Variants in TXNDC11 observed in about 807,000 individuals in gnomAD.
The protein encoded by TXNDC11 is thioredoxin domain-containing protein 11.
A neutral mutation model predicts 78.0 loss-of-function variants in TXNDC11; 68 were observed. The observed-to-expected ratio is 0.87, with a 90% CI of 0.72 to 1.07. The LOEUF (loss-of-function observed/expected upper bound fraction) is 1.07, where lower values mean the gene tolerates loss of function less well. Among genes scored for constraint, TXNDC11 ranks in the 50% least tolerant of loss-of-function variants. TXNDC11 has a pLI of 0.00. For synonymous variants in TXNDC11, 571 were observed against 495.2 expected (o/e 1.15, Z -2.03); for missense variants, 1,389 against 1,221.8 (o/e 1.14, Z -2.04).
intron 10 of TXNDC11, among the ~76,000 whole-genome samples, chr16:11,684,638 T>C (rs535617414): frequency 6.6e-6 from 1 of 151,950 alleles, no homozygotes; most frequent in South Asian, 2.1e-4. Flanking sequence ...TGGAAAATTA[T>C]ACCCTCTTTA....
Position 11,684,234 on chromosome 16 carries a change from GAC to G in TXNDC11, c.2163_2164del (p.Gln723GlufsTer2). 6.2e-7 allele frequency: 1 copy of G among 1,613,234 alleles called. No homozygotes were observed. The highest frequency in any genetic ancestry group is 8.5e-7 in the Non-Finnish European group (1 of 1,179,344). ...AAATTCCCAAGGAAGGTCATTCTGAGACACGTCAATCCTGGTAAAGGGAAAGA... is the reference window on the plus strand; with the variant it reads ...AAATTCCCAAGGAAGGTCATTCTGAGACGTCAATCCTGGTAAAGGGAAAGA... On this transcript the variant is annotated frameshift_variant, in exon 11 of 12. Transcript: ENST00000283033. LOFTEE classifies it high-confidence loss of function.
At chr16:11,681,107 G>C (rs1275596490) in intron 11 of TXNDC11, among the ~76,000 whole-genome samples, 1 of 152,194 alleles carries the variant, frequency 6.6e-6, no homozygotes, top group Non-Finnish European at 1.5e-5. Context: ...AGGAGTTCAA[G>C]ACTGCAGTGA....
chr16:11,732,382 A>G (rs138874373), intron 3 of TXNDC11, among the ~76,000 whole-genome samples: 3 of 152,292 alleles, frequency 2.0e-5, no homozygotes, highest in African/African-American at 7.2e-5. Context: ...TTCAAAGCCA[A>G]AAAGAAATGC....
intron 3 of TXNDC11, 30 bp from the exon 4 acceptor site, chr16:11,730,804 A>T (rs1389702025): frequency 6.9e-7 from 1 of 1,452,040 alleles, no homozygotes; most frequent in Non-Finnish European, 9.2e-7. Flanking sequence ...ATAAAAATAA[A>T]AATAATAAAA....
chr16:11,720,502 G>A (rs1597472016), intron 5 of TXNDC11, among the ~76,000 whole-genome samples: 2 of 145,750 alleles, frequency 1.4e-5, no homozygotes, highest in South Asian at 2.2e-4. Flanking sequence ...TGCAACCTCC[G>A]CCTCCCGGGT....
At chr16:11,739,074 G>A (rs1316904299) in intron 1 of TXNDC11, among the ~76,000 whole-genome samples, 1 of 152,072 alleles carries the variant, frequency 6.6e-6, no homozygotes, top group Non-Finnish European at 1.5e-5. Flanking sequence ...TGCAATCTGA[G>A]GAAAAATGTA....
intron 5 of TXNDC11, among the ~76,000 whole-genome samples, chr16:11,705,586 G>C (rs1044806007): frequency 2.0e-5 from 3 of 152,302 alleles, no homozygotes; most frequent in Admixed American, 2.0e-4. Flanking sequence ...AATAAGAAGT[G>C]ACAGCCTGAC....
rs180801557 is a variant in TXNDC11 at position 11,740,483 on chromosome 16, T to C, written c.254+1994A>G. Among the ~76,000 whole-genome samples, 62 of 152,374 alleles carry C rather than the reference T, an allele frequency of 4.1e-4. 1 individual carries two copies. The highest frequency in any genetic ancestry group is 7.8e-4 in the Admixed American group (12 of 15,304). ...TTTTCAATCTCAAAGGACTTCTGTA[T>C]CAATTAAGCCATGCTGTCTCAGAAC... On this transcript the variant is annotated intron_variant, in intron 1 of 11. Coordinates refer to ENST00000283033, the MANE Select transcript of TXNDC11 (RefSeq NM_015914.7).
intron 1 of TXNDC11, among the ~76,000 whole-genome samples, chr16:11,739,987 G>A (rs1464177745): frequency 1.3e-5 from 2 of 152,158 alleles, no homozygotes; most frequent in African/African-American, 4.8e-5. Flanking sequence ...GAAGTCAGGA[G>A]TTCGAGACCA....
At position 11,688,422 on chromosome 16, in the gene TXNDC11, C is replaced by T. The variant is rs752431572; in HGVS notation, c.1924G>A (p.Val642Ile). Residue 642 changes from valine (V) to isoleucine (I), a missense_variant, in exon 9 of 12, where the codon GTT (valine) becomes ATT (isoleucine). Physicochemically the swap from Val to Ile is conservative, Grantham distance 29. Coordinates refer to ENST00000283033, the MANE Select transcript of TXNDC11 (RefSeq NM_015914.7). ...TGCCTTTTCAAGGGACTATAGAGAA[C>T]GCTGAAGTTTTGAATAAAAGACTCT... ...TLESFIQNFS[V>I]LYSPLKRHLI... is the part of the protein sequence containing the mutation. 54 of 1,611,156 alleles carry T rather than the reference C, an allele frequency of 3.4e-5. No homozygotes were observed. The highest frequency in any genetic ancestry group is 2.2e-4 in the East Asian group (10 of 44,876).
chr16:11,725,113 C>G (rs1454339678), intron 4 of TXNDC11, among the ~76,000 whole-genome samples: 1 of 152,106 alleles, frequency 6.6e-6, no homozygotes, highest in African/African-American at 2.4e-5. Flanking sequence ...GATCTCCTGG[C>G]AAGTTCATTT....
At chr16:11,698,783 G>C (rs540592272) in intron 6 of TXNDC11, among the ~76,000 whole-genome samples, 1 of 152,212 alleles carries the variant, frequency 6.6e-6, no homozygotes, top group Non-Finnish European at 1.5e-5. Flanking sequence ...TGGAGCCTCC[G>C]TGCGGCACAG....
intron 6 of TXNDC11, among the ~76,000 whole-genome samples, chr16:11,700,187 G>T (rs549842110): frequency 4.6e-5 from 7 of 152,238 alleles, no homozygotes; most frequent in Middle Eastern, 3.4e-3. Context: ...TATCCAAGAA[G>T]AAAAACTTTA....
At chr16:11,707,352 A>G (rs1233806083) in intron 5 of TXNDC11, among the ~76,000 whole-genome samples, 3 of 143,244 alleles carry the variant, frequency 2.1e-5, no homozygotes, top group Non-Finnish European at 3.1e-5. Flanking sequence ...GTGGGAGGTG[A>G]AAAAAAAAAA....
intron 6 of TXNDC11, among the ~76,000 whole-genome samples, chr16:11,699,558 T>A (rs1265904833): frequency 6.6e-6 from 1 of 152,218 alleles, no homozygotes; most frequent in East Asian, 1.9e-4. Context: ...CAAAAATACA[T>A]TTGACTTTTG....
intron 5 of TXNDC11, among the ~76,000 whole-genome samples, chr16:11,718,469 A>G (rs1017043713): frequency 6.6e-6 from 1 of 152,142 alleles, no homozygotes; most frequent in Non-Finnish European, 1.5e-5. Flanking sequence ...ATTGACCTAG[A>G]ATTTAATTTG....
At position 11,679,950 on chromosome 16, in the gene TXNDC11, G is replaced by A. The variant is rs8191353; in HGVS notation, c.2235-113C>T. On this transcript the variant is annotated intron_variant, in intron 11 of 11. Coordinates refer to ENST00000283033, the MANE Select transcript of TXNDC11 (RefSeq NM_015914.7). The surrounding 1 kb of genome is among the most constrained non-coding windows in gnomAD (Gnocchi z 4.6). ...ACTTCTCACCAAGAAAAGACGTTCC[G>A]TGGATTTTACTTACTGAAAGTAAGG... The A allele has an allele frequency of 0.011, 10,594 of 957,342 alleles. 765 individuals are homozygous for A. In the African/African-American group the frequency reaches 0.16, roughly 14 times the overall value. The allele number at this position is 957,342 out of a possible 1,614,324, so 59.3% of individuals were successfully genotyped here.
rs750818600 is a variant in TXNDC11, at chr16:11,742,529, C to G, written c.202G>C (p.Gly68Arg). Reference sequence around the variant, plus strand: ...AGCGCGCAGCCGAGCGCCACGGCCCCGCAGAGCAGCTCCGGCCGCTGGCGC... The same window carrying G: ...AGCGCGCAGCCGAGCGCCACGGCCCGGCAGAGCAGCTCCGGCCGCTGGCGC... ...MARQRPELLC[G>R]AVALGCALLL... The change falls in exon 1 of 12, where the codon GGG becomes CGG. Residue 68 changes from glycine to arginine, a missense_variant. Coordinates refer to ENST00000283033, the MANE Select transcript of TXNDC11 (RefSeq NM_015914.7). 10 of 1,461,680 alleles carry G rather than the reference C, an allele frequency of 6.8e-6. No homozygotes were observed. In the South Asian group the frequency reaches 1.3e-4, roughly 19 times the overall value. The allele number at this position is 1,461,680 out of a possible 1,614,324, so 90.5% of individuals were successfully genotyped here.
intron 5 of TXNDC11, among the ~76,000 whole-genome samples, chr16:11,715,871 A>G (rs1015613121): frequency 5.3e-5 from 8 of 152,182 alleles, no homozygotes; most frequent in African/African-American, 1.9e-4. Flanking sequence ...GGATTTTTTC[A>G]CTAGAATAGG....
Sources: allele counts gnomAD v4.1 joint callset (sites outside exome capture counted in the v4.1 genomes callset), GRCh38; gene constraint gnomAD v4.1.1; non-coding constraint Gnocchi (gnomAD v3.1); transcripts MANE v1.5; gene names NCBI Gene and HGNC (gene_info 2026-07-23, HGNC 2026-07-21).